The following AFG2A variants were observed in gnomAD, a reference collection of about 807,000 sequenced individuals.
AFG2A encodes the protein ATPase family gene 2 protein homolog A.
At chr4:122,987,856 A>G in the AFG2A span, among the ~76,000 whole-genome samples, 1 of 152,150 alleles carries the variant, frequency 6.6e-6, no homozygotes, top group African/African-American at 2.4e-5. Flanking sequence ...TGCTAGTACT[A>G]TACTATTACA....
At chr4:123,131,264 C>A in the AFG2A span, among the ~76,000 whole-genome samples, 27,476 of 151,960 alleles carry the variant, frequency 0.18, 2,823 homozygotes, top group East Asian at 0.46. Context: ...TTTTTAAAAT[C>A]AACTCTTTAC....
chr4:123,063,908 T>C, the AFG2A span, among the ~76,000 whole-genome samples: 1 of 152,184 alleles, frequency 6.6e-6, no homozygotes, highest in Non-Finnish European at 1.5e-5. Context: ...TAAGACATGG[T>C]AATTAGCCAT....
the AFG2A span, among the ~76,000 whole-genome samples, chr4:123,067,611 A>AG: frequency 6.6e-6 from 1 of 151,254 alleles, no homozygotes; most frequent in Non-Finnish European, 1.5e-5. Flanking sequence ...ACTAGGAAAA[A>AG]TATTTTAAAA....
At chr4:123,137,939 A>T in the AFG2A span, among the ~76,000 whole-genome samples, 1 of 152,166 alleles carries the variant, frequency 6.6e-6, no homozygotes, top group Non-Finnish European at 1.5e-5. Flanking sequence ...ATACATTAGT[A>T]TAGAACCCTT....
chr4:123,058,695 A>T, the AFG2A span, among the ~76,000 whole-genome samples: 1 of 152,108 alleles, frequency 6.6e-6, no homozygotes, highest in Non-Finnish European at 1.5e-5. Flanking sequence ...AGTATGGGGG[A>T]AACCACCCCC....
chr4:123,196,424 C>CA, the AFG2A span, among the ~76,000 whole-genome samples: 1 of 151,846 alleles, frequency 6.6e-6, no homozygotes, highest in Non-Finnish European at 1.5e-5. Context: ...GCCAGTTAGT[C>CA]AAAAAACAAA....
the AFG2A span, among the ~76,000 whole-genome samples, chr4:122,938,866 A>T: frequency 9.2e-5 from 14 of 151,844 alleles, no homozygotes; most frequent in African/African-American, 3.1e-4. Context: ...AAGTGCTGGG[A>T]TTATAGGTGT....
At chr4:123,042,134 A>G in the AFG2A span, among the ~76,000 whole-genome samples, 2 of 152,192 alleles carry the variant, frequency 1.3e-5, no homozygotes, top group East Asian at 3.8e-4. Context: ...TTGAAGCAGC[A>G]TTGTGAAGGT....
At chr4:123,055,385 G>T in the AFG2A span, among the ~76,000 whole-genome samples, 1 of 152,056 alleles carries the variant, frequency 6.6e-6, no homozygotes, top group African/African-American at 2.4e-5. Context: ...AGTTTCTTCT[G>T]TATGTTTTGA....
chr4:123,057,373 A>G, the AFG2A span: 6 of 1,408,394 alleles, frequency 4.3e-6, no homozygotes, highest in Non-Finnish European at 4.9e-6. Flanking sequence ...AGCATTTTGT[A>G]TACAACTTTT....
chr4:123,004,325 C>T, the AFG2A span, among the ~76,000 whole-genome samples: 3 of 152,208 alleles, frequency 2.0e-5, no homozygotes, highest in Non-Finnish European at 4.4e-5. Flanking sequence ...CTGTCCTGCG[C>T]CCACTGTCTG....
the AFG2A span, among the ~76,000 whole-genome samples, chr4:123,052,881 G>A: frequency 6.6e-6 from 1 of 152,318 alleles, no homozygotes; most frequent in East Asian, 1.9e-4. Context: ...CCTTCAGTCT[G>A]TGGCTGAAGG....
chr4:123,009,566 T>A, the AFG2A span, among the ~76,000 whole-genome samples: 24,716 of 152,240 alleles, frequency 0.16, 2,442 homozygotes, highest in East Asian at 0.45. Context: ...TGTTTGAGGA[T>A]CCCTTGTAGA....
At chr4:123,240,848 GT>G in the AFG2A span, among the ~76,000 whole-genome samples, 1 of 152,078 alleles carries the variant, frequency 6.6e-6, no homozygotes, top group Admixed American at 6.6e-5. Context: ...CCAGGAGCTG[GT>G]TTTTTGAAAA....
chr4:123,219,154 C>T, the AFG2A span, among the ~76,000 whole-genome samples: 2 of 152,196 alleles, frequency 1.3e-5, no homozygotes, highest in African/African-American at 4.8e-5. Flanking sequence ...CAGTCTGTGG[C>T]TGAAAGCCTG....
chr4:123,078,161 T>C, the AFG2A span, among the ~76,000 whole-genome samples: 3 of 152,298 alleles, frequency 2.0e-5, no homozygotes, highest in South Asian at 4.1e-4. Flanking sequence ...TTTTTCTCTA[T>C]GTGCACCTGA....
the AFG2A span, among the ~76,000 whole-genome samples, chr4:123,005,353 G>T: frequency 6.6e-6 from 1 of 152,070 alleles, no homozygotes; most frequent in Non-Finnish European, 1.5e-5. Flanking sequence ...TTTTCGCCAT[G>T]TTAGCTGGCT....
At chr4:123,026,069 G>A in the AFG2A span, among the ~76,000 whole-genome samples, 1 of 151,692 alleles carries the variant, frequency 6.6e-6, no homozygotes, top group South Asian at 2.1e-4. Context: ...TCAGGGCCCT[G>A]TGTAGAGCAG....
the AFG2A span, among the ~76,000 whole-genome samples, chr4:123,200,655 C>T: frequency 4.9e-4 from 74 of 152,286 alleles, 1 homozygote; most frequent in Non-Finnish European, 9.4e-4. Flanking sequence ...AGAAGGCAAG[C>T]TTGTTACTTT....
Sources: allele counts gnomAD v4.1 joint callset (sites outside exome capture counted in the v4.1 genomes callset), GRCh38; gene constraint gnomAD v4.1.1; transcripts MANE v1.5; gene names NCBI Gene and HGNC (gene_info 2026-07-23, HGNC 2026-07-21).